ARHGAP39: variants seen among roughly 807,000 people sequenced by gnomAD.
The protein encoded by ARHGAP39 is rho GTPase-activating protein 39.
ARHGAP39 carries 44 observed loss-of-function variants against 106.9 expected under a neutral mutation model. That is an observed-to-expected ratio of 0.41 (90% confidence interval 0.32 to 0.53). ARHGAP39 has a LOEUF of 0.53. Ranked by LOEUF, ARHGAP39 falls within the 20% of genes least tolerant of loss-of-function variation. The pLI is 0.21. For synonymous variants in ARHGAP39, 768 were observed against 693.2 expected, an observed-to-expected ratio of 1.11 and a Z score of -1.69; for missense variants, 1,496 against 1,577.3, an observed-to-expected ratio of 0.95 and a Z score of 0.87.
At chr8:144,572,966 A>G (rs561261652) in intron 3 of ARHGAP39, among the ~76,000 whole-genome samples, 99 of 152,304 alleles carry the variant, frequency 6.5e-4, no homozygotes, top group African/African-American at 2.4e-3. Context: ...AAAAGTCAGG[A>G]AACAACAGGT....
At chr8:144,651,032 T>A (rs1821562089) in intron 1 of ARHGAP39, among the ~76,000 whole-genome samples, 1 of 152,156 alleles carries the variant, frequency 6.6e-6, no homozygotes, top group African/African-American at 2.4e-5. Flanking sequence ...TTTCATCAAA[T>A]GAAGCTGATA....
intron 3 of ARHGAP39, among the ~76,000 whole-genome samples, chr8:144,566,099 C>A (rs111928235): frequency 0.1 from 15,670 of 151,600 alleles, 1,987 homozygotes; most frequent in African/African-American, 0.3. Flanking sequence ...GTCTCAACAA[C>A]AAAAAAAGTT....
chr8:144,610,153 A>T (rs1384225065), intron 1 of ARHGAP39, among the ~76,000 whole-genome samples: 1 of 152,254 alleles, frequency 6.6e-6, no homozygotes, highest in African/African-American at 2.4e-5. Flanking sequence ...TCTTAAGAGC[A>T]ACAGACTCTG....
At chr8:144,600,932 G>C (rs1819879815) in intron 2 of ARHGAP39, among the ~76,000 whole-genome samples, 1 of 146,320 alleles carries the variant, frequency 6.8e-6, no homozygotes, top group Admixed American at 6.8e-5. Flanking sequence ...ACCTGTGTGT[G>C]TGTGGAGGCA....
chr8:144,578,401 G>T (rs927105535), intron 3 of ARHGAP39, among the ~76,000 whole-genome samples: 15 of 152,046 alleles, frequency 9.9e-5, no homozygotes, highest in African/African-American at 3.6e-4. Context: ...GCTAATTTTG[G>T]TACTTTTAGT....
chr8:144,530,205 T>G lies in ARHGAP39; in HGVS notation c.*217A>C, dbSNP rs907470348. The stretch of plus-strand genomic sequence containing the variant: ...GTGCCCGCGGGAACTGGCCGTGAGG[T>G]GGGGGGCCAGAGGCGCCCTCCCCGC... On this transcript the variant is annotated 3_prime_UTR_variant, in exon 12 of 12. Transcript: ENST00000377307. 2 of 549,388 alleles carry G rather than the reference T, an allele frequency of 3.6e-6. No homozygotes were observed. The highest frequency in any genetic ancestry group is 3.2e-6 in the Non-Finnish European group (1 of 314,284). The allele number at this position is 549,388 out of a possible 1,614,324, so 34.0% of individuals were successfully genotyped here.
intron 3 of ARHGAP39, among the ~76,000 whole-genome samples, chr8:144,566,795 C>T (rs191926002): frequency 1.3e-3 from 190 of 150,508 alleles, no homozygotes; most frequent in Admixed American, 4.5e-3. Context: ...GTGGAGGTTG[C>T]AGTGAGCCGA....
chr8:144,660,571 C>T (rs774867364), intron 1 of ARHGAP39, among the ~76,000 whole-genome samples: 2 of 152,220 alleles, frequency 1.3e-5, no homozygotes, highest in Non-Finnish European at 2.9e-5. Flanking sequence ...CCGTGCTCAG[C>T]AGCCACACAT....
intron 7 of ARHGAP39, 28 bp downstream of exon 7, chr8:144,537,693 G>T (rs538932547): frequency 6.3e-7 from 1 of 1,595,320 alleles, no homozygotes. Context: ...CAGACGCCGC[G>T]CCCAGGGGCT....
chr8:144,545,408 G>A lies in ARHGAP39; in HGVS notation c.2362C>T (p.Leu788=). 7.0e-7 allele frequency: 1 copy of A among 1,427,988 alleles called. No individual in the cohort carries two copies. The highest frequency in any genetic ancestry group is 9.3e-7 in the Non-Finnish European group (1 of 1,080,376). 88.5% of individuals were successfully genotyped at this position (1,427,988 alleles called of 1,614,324 possible). The change falls in exon 6 of 12, where the codon CTG becomes TTG. Residue 788 remains leucine, a synonymous_variant. Coordinates refer to ENST00000377307, the MANE Select transcript of ARHGAP39 (RefSeq NM_025251.3). The stretch of plus-strand genomic sequence containing the variant: ...AAGTTCTCGGTGGTCTGCCGGCACA[G>A]CTGGATGTAGAGCTCGTCCCGCAGG... ...QGLRDELYIQ[L]CRQTTENFRL...
intron 6 of ARHGAP39, among the ~76,000 whole-genome samples, chr8:144,539,048 G>A (rs908912596): frequency 6.6e-5 from 10 of 151,850 alleles, no homozygotes; most frequent in Non-Finnish European, 1.0e-4. Context: ...TATATGCCCC[G>A]CACCAGCCCT....
chr8:144,623,416 T>A (rs1361447136), intron 1 of ARHGAP39, among the ~76,000 whole-genome samples: 6 of 152,176 alleles, frequency 3.9e-5, no homozygotes, highest in African/African-American at 1.2e-4. Flanking sequence ...TTGGTAAAGA[T>A]CTATACCAAA....
chr8:144,619,569 C>T lies in ARHGAP39; in HGVS notation c.-81-13874G>A, dbSNP rs552287910. Among the ~76,000 whole-genome samples the T allele has an allele frequency of 1.5e-4, 22 of 148,486 alleles. No individual in the cohort carries two copies. The East Asian group carries it at 3.1e-3, about 21-fold the overall frequency. ...CTGTGTCCGAGACAGCGTGAGTACCCGTGTGTGTGTGAGACTGTGTGTCCC... is the reference window on the plus strand; with the variant it reads ...CTGTGTCCGAGACAGCGTGAGTACCTGTGTGTGTGTGAGACTGTGTGTCCC... On this transcript the variant is annotated intron_variant, in intron 1 of 11. Transcript: ENST00000377307.
chr8:144,668,338 G>A (rs1260941817), intron 1 of ARHGAP39, among the ~76,000 whole-genome samples: 1 of 152,186 alleles, frequency 6.6e-6, no homozygotes, highest in Non-Finnish European at 1.5e-5. Flanking sequence ...CTACTCAGGA[G>A]GCTGAGGTGG....
At chr8:144,689,078 C>A (rs2976620), upstream of ARHGAP39, among the ~76,000 whole-genome samples, 1 of 152,122 alleles carries the variant, frequency 6.6e-6, no homozygotes, top group African/African-American at 2.4e-5. Flanking sequence ...GAGAAAAGGT[C>A]TATTGTTTAA....
chr8:144,687,675 T>C (rs1164480455), upstream of ARHGAP39, among the ~76,000 whole-genome samples: 7 of 40,558 alleles, frequency 1.7e-4, no homozygotes, highest in Non-Finnish European at 1.5e-4. Flanking sequence ...ACACTAGCAG[T>C]GAGCACTTCC....
chr8:144,659,051 T>C (rs1383492171), intron 1 of ARHGAP39, among the ~76,000 whole-genome samples: 1 of 152,120 alleles, frequency 6.6e-6, no homozygotes. Flanking sequence ...TGTCTTTCTG[T>C]CCAATCCTAT....
At chr8:144,535,897 C>T (rs149454157) in intron 7 of ARHGAP39, among the ~76,000 whole-genome samples, 8 of 152,340 alleles carry the variant, frequency 5.3e-5, no homozygotes, top group Non-Finnish European at 7.4e-5. Context: ...AGGCAGCTGC[C>T]GGTGTCACAA....
chr8:144,532,119 C>T lies in ARHGAP39; in HGVS notation c.2980+186G>A, dbSNP rs554644236. On this transcript the variant is annotated intron_variant, in intron 10 of 11. Coordinates refer to ENST00000377307, the MANE Select transcript of ARHGAP39 (RefSeq NM_025251.3). Reference sequence around the variant, plus strand: ...TGGGCTGCATTGCACAGGTAGGCCTCGGGGTGCCCAGCAGACACCTGGGGA... The same window carrying T: ...TGGGCTGCATTGCACAGGTAGGCCTTGGGGTGCCCAGCAGACACCTGGGGA... 4.6e-5 allele frequency among the ~76,000 whole-genome samples: 7 copies of T among 152,074 alleles called. No homozygotes were observed. The South Asian group carries it at 8.3e-4, about 18-fold the overall frequency.
Sources: gnomAD v4.1 joint callset for allele counts (sites outside exome capture counted in the v4.1 genomes callset) on GRCh38, gnomAD v4.1.1 for gene constraint, MANE v1.5 for transcripts, NCBI Gene and HGNC (gene_info 2026-07-23, HGNC 2026-07-21) for gene names.